Variants in MBD5 observed in about 807,000 individuals in gnomAD.
MBD5 encodes the protein methyl-CpG binding domain protein 5.
In MBD5, 13 loss-of-function variants were observed where a neutral mutation model predicts 117.3. The observed-to-expected ratio is 0.11, with a 90% CI of 0.07 to 0.18. The LOEUF (loss-of-function observed/expected upper bound fraction) is 0.18, where lower values mean the gene tolerates loss of function less well. Among genes scored for constraint, MBD5 ranks in the 10% least tolerant of loss-of-function variants. MBD5 has a pLI of 1.00. For synonymous variants in MBD5, 727 were observed against 766.4 expected (o/e 0.95, Z 0.85); for missense variants, 1,879 against 2,093.8 (o/e 0.90, Z 2.00).
intron 4 of MBD5, among the ~76,000 whole-genome samples, chr2:148,437,582 A>G (rs1410313048): frequency 6.6e-6 from 1 of 152,056 alleles, no homozygotes; most frequent in Non-Finnish European, 1.5e-5. Context: ...TTACACTTTG[A>G]AAAGAGGATC....
intron 4 of MBD5, among the ~76,000 whole-genome samples, chr2:148,342,670 A>G (rs879868802): frequency 1.3e-5 from 2 of 152,070 alleles, no homozygotes; most frequent in Admixed American, 6.6e-5. Flanking sequence ...TATAGTTACA[A>G]TAATTATGAC....
At chr2:148,126,160 C>T (rs577659449) in intron 1 of MBD5, among the ~76,000 whole-genome samples, 3 of 152,020 alleles carry the variant, frequency 2.0e-5, no homozygotes, top group Non-Finnish European at 4.4e-5. Context: ...CTTTGGGAGG[C>T]CGAGGCAGGC....
chr2:148,409,427 G>C (rs1221179044), intron 4 of MBD5, among the ~76,000 whole-genome samples: 1 of 150,752 alleles, frequency 6.6e-6, no homozygotes, highest in African/African-American at 2.4e-5. Context: ...GGGAGAGAGA[G>C]AGAGAAAGGA....
chr2:148,486,663 GAA>G (rs1203085713), intron 10 of MBD5, among the ~76,000 whole-genome samples: 1 of 152,030 alleles, frequency 6.6e-6, no homozygotes, highest in African/African-American at 2.4e-5. Context: ...CAATTGATTA[GAA>G]AAAAATTAGC....
chr2:148,114,723 C>T (rs1013384762), intron 1 of MBD5, among the ~76,000 whole-genome samples: 1 of 152,018 alleles, frequency 6.6e-6, no homozygotes, highest in African/African-American at 2.4e-5. Context: ...TTAGGAATTA[C>T]CAGTATAAAC....
chr2:148,470,175 G>C lies in MBD5; in HGVS notation c.2232G>C (p.Met744Ile), dbSNP rs775565144. Residue 744 changes from methionine (M) to isoleucine (I), a missense_variant, in exon 8 of 14, where the codon ATG becomes ATC. By Grantham distance (10) the Met-to-Ile change is conservative. Around this residue, in one of 4 missense-constraint regions of MBD5, gnomAD observed 1,666 missense variants for 1,792.2 expected, o/e 0.93. Transcript: ENST00000642680. ...ANQLHFTDPS[M>I]NSSVLQNIPL... ...AGCTGCATTTTACAGATCCCAGTAT[G>C]AACTCTAGTGTTCTTCAGAACATAC... 8.1e-6 allele frequency: 13 copies of C among 1,613,818 alleles called. No homozygotes were observed. Among genetic ancestry groups the C allele is most frequent in the Non-Finnish European group, 1.1e-5 (13 of 1,179,910 alleles).
In MBD5 at chr2:148,178,719, GT is replaced by G. The variant is rs1165846011; in HGVS notation, c.-902del. The G allele has an allele frequency of 5.0e-6, 2 of 398,280 alleles. No homozygotes were observed. The highest frequency in any genetic ancestry group is 8.9e-6 in the Non-Finnish European group (2 of 225,754). The allele number at this position is 398,280 out of a possible 1,614,324, so 24.7% of individuals were successfully genotyped here. ...TTTTAGATGTACATTGAAGATGTCA[GT>G]TTCTACATGTGGGAAGTAGACATTG... is the stretch of plus-strand genomic sequence containing the variant. On this transcript the variant is annotated 5_prime_UTR_variant, in exon 2 of 14. An upstream open reading frame in the 5' UTR gains an earlier in-frame stop. Coordinates refer to ENST00000642680, the MANE Select transcript of MBD5 (RefSeq NM_001378120.1).
At chr2:148,224,844 A>T (rs950579323) in intron 2 of MBD5, among the ~76,000 whole-genome samples, 4 of 151,604 alleles carry the variant, frequency 2.6e-5, no homozygotes, top group Non-Finnish European at 5.9e-5. Flanking sequence ...ATAGTTTTTG[A>T]CTATAAATCT....
At chr2:148,146,898 G>T (rs1368245096) in intron 1 of MBD5, among the ~76,000 whole-genome samples, 1 of 152,152 alleles carries the variant, frequency 6.6e-6, no homozygotes, top group Non-Finnish European at 1.5e-5. Flanking sequence ...TATGCTGCCA[G>T]TCAGACATTC....
At chr2:148,091,855 G>A (rs6430288) in intron 1 of MBD5, among the ~76,000 whole-genome samples, 67,527 of 151,502 alleles carry the variant, frequency 0.45, 15,085 homozygotes, top group South Asian at 0.51. Context: ...AGCAGAAGAA[G>A]TAATTAGCAG....
intron 1 of MBD5, among the ~76,000 whole-genome samples, chr2:148,066,813 CTCTT>C (rs1312814871): frequency 2.0e-5 from 3 of 152,150 alleles, no homozygotes; most frequent in Admixed American, 6.5e-5. Context: ...TTTGCTCAAG[CTCTT>C]TCTTCAATGC....
Position 148,485,730 on chromosome 2 carries a change from T to G in MBD5, c.3545-12T>G, listed in dbSNP as rs1379911750. The G allele has an allele frequency of 6.3e-7, 1 of 1,586,644 alleles. No individual in the cohort carries two copies. Among genetic ancestry groups the G allele is most frequent in the African/African-American group, 1.3e-5 (1 of 74,342 alleles). Reference sequence around the variant, plus strand: ...TCACATTTATTTATATTTTATGTTTTTCAAACTGTAGGTGATATGTCATCA... The same window carrying G: ...TCACATTTATTTATATTTTATGTTTGTCAAACTGTAGGTGATATGTCATCA... On this transcript the variant is annotated splice_polypyrimidine_tract_variant and intron_variant, in intron 9 of 13. Transcript: ENST00000642680.
At chr2:148,391,396 C>T (rs1341139343) in intron 4 of MBD5, among the ~76,000 whole-genome samples, 1 of 152,126 alleles carries the variant, frequency 6.6e-6, no homozygotes, top group Non-Finnish European at 1.5e-5. Flanking sequence ...TTGCTTCACT[C>T]GGACTAAATG....
chr2:148,185,884 C>T (rs1372153507), intron 2 of MBD5, among the ~76,000 whole-genome samples: 1 of 152,150 alleles, frequency 6.6e-6, no homozygotes, highest in Non-Finnish European at 1.5e-5. Flanking sequence ...CATTTTCCTA[C>T]CTTTTAAAAT....
rs753754490 is a variant in MBD5, at chr2:148,490,482, A to G, written c.4850A>G (p.Asn1617Ser). The G allele has an allele frequency of 6.2e-7, 1 of 1,614,208 alleles. No homozygotes were observed. Among genetic ancestry groups the G allele is most frequent in the Admixed American group, 1.7e-5 (1 of 60,036 alleles). The change falls in exon 11 of 14, where the codon AAT (asparagine) becomes AGT (serine). Residue 1617 changes from asparagine to serine, a missense_variant. Coordinates refer to ENST00000642680, the MANE Select transcript of MBD5 (RefSeq NM_001378120.1). The part of the protein sequence containing the change: ...ELIHYRPRTF[N>S]VGDLVWGQIK... ...ATACATTATAGACCAAGGACGTTCA[A>G]TGTTGGCGACTTGGTCTGGGGCCAA...
chr2:148,061,755 C>T (rs142488080), intron 1 of MBD5, among the ~76,000 whole-genome samples: 2 of 151,984 alleles, frequency 1.3e-5, no homozygotes, highest in East Asian at 3.9e-4. Context: ...GCTATTGATT[C>T]ATATCATAAA....
chr2:148,269,686 T>A (rs1269093471), intron 3 of MBD5, among the ~76,000 whole-genome samples: 7 of 145,988 alleles, frequency 4.8e-5, no homozygotes, highest in Non-Finnish European at 1.1e-4. Context: ...TTTTTTTTTT[T>A]AGTGTAGTAT....
In MBD5 at chr2:148,415,819, T is replaced by C. The variant is rs115872478; in HGVS notation, c.-556-42384T>C. Among the ~76,000 whole-genome samples the C allele has an allele frequency of 8.4e-3, 1,275 of 152,322 alleles. 23 individuals are homozygous for C. The highest frequency in any genetic ancestry group is 0.03 in the African/African-American group (1,228 of 41,570). ...TGTTTTTCAACTCTATCAGATCAGT[T>C]TGGTTTTTTCATAAAATGATCATTA... is the stretch of plus-strand genomic sequence containing the variant. On this transcript the variant is annotated intron_variant, in intron 4 of 13. Transcript: ENST00000642680.
At chr2:148,291,591 G>T (rs915643348) in intron 3 of MBD5, among the ~76,000 whole-genome samples, 2 of 152,034 alleles carry the variant, frequency 1.3e-5, no homozygotes, top group African/African-American at 4.8e-5. Flanking sequence ...CTTGTATCCT[G>T]CAATTTTGCT....
Sources: gnomAD v4.1 joint callset for allele counts (sites outside exome capture counted in the v4.1 genomes callset) on GRCh38, gnomAD v4.1.1 for gene constraint, gnomAD v4.1.1 regional missense constraint, MANE v1.5 for transcripts, NCBI Gene and HGNC (gene_info 2026-07-23, HGNC 2026-07-21) for gene names.